Variants in ASS1 observed in about 807,000 individuals in gnomAD.
ASS1 encodes the protein argininosuccinate synthase 1.
In ASS1, 58 loss-of-function variants were observed where a neutral mutation model predicts 60.5. The observed-to-expected ratio is 0.96, with a 90% CI of 0.78 to 1.19. The LOEUF is 1.19. Among genes scored for constraint, ASS1 ranks in the 50% most tolerant of loss-of-function variants. The pLI is 0.00. For synonymous variants in ASS1, 200 were observed against 206.9 expected, an observed-to-expected ratio of 0.97 and a Z score of 0.29; for missense variants, 454 against 547.3, an observed-to-expected ratio of 0.83 and a Z score of 1.70.
intron 13 of ASS1, among the ~76,000 whole-genome samples, chr9:130,495,716 GGTGGAAGGGCACCT>G (rs1184745776): frequency 6.6e-6 from 1 of 152,048 alleles, no homozygotes; most frequent in Non-Finnish European, 1.5e-5. Context: ...GTAGGTGGGA[GGTGGAAGGGCACCT>G]GTGGAAATGC....
chr9:130,467,333 A>G (rs1337695095), intron 6 of ASS1, among the ~76,000 whole-genome samples: 2 of 152,182 alleles, frequency 1.3e-5, no homozygotes, highest in African/African-American at 4.8e-5. Context: ...TTGCAATAAA[A>G]CATATTAGAA....
intron 1 of ASS1, among the ~76,000 whole-genome samples, chr9:130,450,783 G>C (rs772777019): frequency 5.3e-5 from 8 of 152,244 alleles, no homozygotes; most frequent in Non-Finnish European, 1.2e-4. Context: ...AGCGATGCCT[G>C]CATCACTGCA....
chr9:130,490,731 G>C (rs1314297560), intron 12 of ASS1, among the ~76,000 whole-genome samples: 1 of 152,210 alleles, frequency 6.6e-6, no homozygotes, highest in Non-Finnish European at 1.5e-5. Flanking sequence ...TGAGGTGGCT[G>C]TTTCTGCATT....
chr9:130,460,196 A>G (rs2131875718), intron 4 of ASS1, among the ~76,000 whole-genome samples: 1 of 152,310 alleles, frequency 6.6e-6, no homozygotes, highest in South Asian at 2.1e-4. Context: ...ACTGTGGTGC[A>G]GGGACACACA....
At chr9:130,493,741 C>A (rs930518217) in intron 12 of ASS1, among the ~76,000 whole-genome samples, 5 of 152,050 alleles carry the variant, frequency 3.3e-5, no homozygotes, top group East Asian at 3.9e-4. Context: ...GTCCCTCCCC[C>A]CGCCATGGCC....
intron 4 of ASS1, 51 bp downstream of exon 4, chr9:130,458,640 T>G (rs746995662): frequency 4.4e-6 from 7 of 1,588,580 alleles, no homozygotes; most frequent in Non-Finnish European, 6.0e-6. Flanking sequence ...CGGAGGGGTG[T>G]GGGAAGGAGA....
At chr9:130,465,058 T>TATATA (rs1564906951) in intron 5 of ASS1, among the ~76,000 whole-genome samples, 18 of 130,036 alleles carry the variant, frequency 1.4e-4, no homozygotes, top group Non-Finnish European at 2.3e-4. Flanking sequence ...ATATATATAT[T>TATATA]TTTTTTTTTT....
intron 1 of ASS1, among the ~76,000 whole-genome samples, chr9:130,445,965 G>A (rs938657209): frequency 6.6e-6 from 1 of 152,210 alleles, no homozygotes; most frequent in African/African-American, 2.4e-5. Flanking sequence ...GGGAGAGCTG[G>A]TGAGGCCTTG....
At chr9:130,500,050 TGAGTCACCAGTAA>T (rs1367437929) in intron 14 of ASS1, among the ~76,000 whole-genome samples, 1 of 152,278 alleles carries the variant, frequency 6.6e-6, no homozygotes, top group African/African-American at 2.4e-5. Context: ...TGATCCTCTG[TGAGTCACCAGTAA>T]GAGTGTCAGC....
Position 130,470,580 on chromosome 9 carries a change from T to A in ASS1, c.496-254T>A, listed in dbSNP as rs192804075. On this transcript the variant is annotated intron_variant, in intron 6 of 14. Coordinates refer to ENST00000352480, the MANE Select transcript of ASS1 (RefSeq NM_054012.4). This position sits in a 1 kb window ranked among gnomAD's most constrained non-coding sequence, Gnocchi z 4.3. ...CTCAGTGCTTCAGGGGTCCTTGAGA[T>A]GTAGACTCAAAGTCTTCTGGAAGGA... is the stretch of plus-strand genomic sequence containing the variant. 6.6e-6 allele frequency among the ~76,000 whole-genome samples: 1 copy of A among 152,172 alleles called. No homozygotes were observed. Among genetic ancestry groups the A allele is most frequent in the Non-Finnish European group, 1.5e-5 (1 of 68,024 alleles).
At chr9:130,480,845 G>A (rs1439072948) in intron 11 of ASS1, among the ~76,000 whole-genome samples, 1 of 152,250 alleles carries the variant, frequency 6.6e-6, no homozygotes, top group Non-Finnish European at 1.5e-5. Flanking sequence ...CGGCCAGGCA[G>A]GGCGAAAATC....
intron 6 of ASS1, among the ~76,000 whole-genome samples, chr9:130,469,867 GC>G (rs1197474980): frequency 1.3e-5 from 2 of 152,188 alleles, no homozygotes; most frequent in African/African-American, 4.8e-5. Context: ...CCCGGTGGGG[GC>G]TGCCTGTGGT....
chr9:130,447,875 C>G (rs1231497132), intron 1 of ASS1, among the ~76,000 whole-genome samples: 1 of 152,184 alleles, frequency 6.6e-6, no homozygotes, highest in African/African-American at 2.4e-5. Flanking sequence ...TGGGCACATA[C>G]ATGCTTGGTG....
rs1211092051 is a variant in ASS1, at chr9:130,465,610, G to A, written c.421-1115G>A. On this transcript the variant is annotated intron_variant, in intron 5 of 14. Coordinates refer to ENST00000352480, the MANE Select transcript of ASS1 (RefSeq NM_054012.4). ...GCCGGGACTGAGCTCTTTTGAGGCC[G>A]CTTTGGGCTCAAGCTCTGGAAGAGT... Among the ~76,000 whole-genome samples, 6 of 152,332 alleles carry A rather than the reference G, an allele frequency of 3.9e-5. No individual in the cohort carries two copies. In the East Asian group the frequency reaches 7.7e-4, roughly 20 times the overall value.
intron 1 of ASS1, 177 bp downstream of exon 1, chr9:130,445,172 G>A (rs886245737): frequency 3.0e-6 from 3 of 985,216 alleles, no homozygotes; most frequent in Non-Finnish European, 3.6e-6. Context: ...GGCTCCCGAT[G>A]CTCAAACGCC....
Position 130,450,418 on chromosome 9 carries a change from C to T in ASS1, c.-5-1806C>T, listed in dbSNP as rs891060988. Reference sequence around the variant, plus strand: ...TGGCCAATTGCCTGGCTGCAGTTGCCATGGATACCACCTGCTGGCTCCAGG... The same window carrying T: ...TGGCCAATTGCCTGGCTGCAGTTGCTATGGATACCACCTGCTGGCTCCAGG... On this transcript the variant is annotated intron_variant, in intron 1 of 14. Transcript: ENST00000352480. 3 of 885,806 alleles carry T rather than the reference C, an allele frequency of 3.4e-6. No individual in the cohort carries two copies. The African/African-American group carries it at 5.5e-5, about 16-fold the overall frequency. 54.9% of individuals were successfully genotyped at this position (885,806 alleles called of 1,614,324 possible).
At chr9:130,490,502 T>TG (rs1846424402) in intron 12 of ASS1, among the ~76,000 whole-genome samples, 2 of 151,824 alleles carry the variant, frequency 1.3e-5, no homozygotes, top group South Asian at 4.2e-4. Flanking sequence ...TTAGTAGAGA[T>TG]GGGGTTTCAC....
chr9:130,462,786 A>G (rs1392382479), intron 4 of ASS1, among the ~76,000 whole-genome samples: 1 of 152,222 alleles, frequency 6.6e-6, no homozygotes, highest in Non-Finnish European at 1.5e-5. Context: ...GATGGGACTA[A>G]TAGAACCTGC....
intron 3 of ASS1, among the ~76,000 whole-genome samples, chr9:130,455,544 C>T (rs886179606): frequency 3.3e-5 from 5 of 152,264 alleles, no homozygotes; most frequent in African/African-American, 1.2e-4. Context: ...TCTACCCATT[C>T]TTCCATTCAT....
Sources: allele counts gnomAD v4.1 joint callset (sites outside exome capture counted in the v4.1 genomes callset), GRCh38; gene constraint gnomAD v4.1.1; non-coding constraint Gnocchi (gnomAD v3.1); transcripts MANE v1.5; gene names NCBI Gene and HGNC (gene_info 2026-07-23, HGNC 2026-07-21).